The following SORCS1 variants were observed in gnomAD, a reference collection of about 807,000 sequenced individuals.
SORCS1 encodes sortilin related VPS10 domain containing receptor 1, also known as VPS10 domain-containing receptor SorCS1.
A neutral mutation model predicts 146.1 loss-of-function variants in SORCS1; 60 were observed. The ratio of observed to expected loss-of-function variants is 0.41; its 90% CI spans 0.33 to 0.51. The LOEUF is 0.51. SORCS1 is among the 20% of genes least tolerant of loss of function. SORCS1 has a pLI of 0.21. For synonymous variants in SORCS1, 637 were observed against 584.0 expected (o/e 1.09, Z -1.31); for missense variants, 1,352 against 1,487.6 (o/e 0.91, Z 1.50).
At chr10:106,594,698 C>A (rs1378722944) in intron 24 of SORCS1, among the ~76,000 whole-genome samples, 2 of 152,140 alleles carry the variant, frequency 1.3e-5, no homozygotes, top group Non-Finnish European at 2.9e-5. Context: ...TTCGGATACA[C>A]CAAACCTAAA....
At chr10:106,700,822 C>A (rs1180081259) in intron 8 of SORCS1, among the ~76,000 whole-genome samples, 2 of 152,172 alleles carry the variant, frequency 1.3e-5, no homozygotes, top group Non-Finnish European at 2.9e-5. Flanking sequence ...TACTCAGGTT[C>A]CATATGACAT....
At chr10:106,801,075 G>A (rs186197757) in intron 3 of SORCS1, among the ~76,000 whole-genome samples, 2 of 152,140 alleles carry the variant, frequency 1.3e-5, no homozygotes, top group East Asian at 3.9e-4. Flanking sequence ...CCTCTACATA[G>A]TAAGTTGTTA....
chr10:106,784,070 T>A (rs1457760706), intron 3 of SORCS1, among the ~76,000 whole-genome samples: 1 of 152,200 alleles, frequency 6.6e-6, no homozygotes, highest in Non-Finnish European at 1.5e-5. Flanking sequence ...GAATATTCAC[T>A]AATGCTTAGC....
At chr10:106,686,224 T>A (rs1413077750) in intron 10 of SORCS1, among the ~76,000 whole-genome samples, 1 of 152,148 alleles carries the variant, frequency 6.6e-6, no homozygotes, top group Admixed American at 6.5e-5. Flanking sequence ...CTGGCTTGGA[T>A]TAGGGCAGTC....
At chr10:107,133,587 G>T (rs1278043267) in intron 1 of SORCS1, among the ~76,000 whole-genome samples, 1 of 152,184 alleles carries the variant, frequency 6.6e-6, no homozygotes, top group Non-Finnish European at 1.5e-5. Flanking sequence ...ATCAGGTACA[G>T]AAGATGTTTT....
rs747639595 is a variant in SORCS1, at chr10:106,651,001, C to T, written c.2475+1381G>A. On this transcript the variant is annotated intron_variant, in intron 18 of 25. Transcript: ENST00000263054. ...AGAGTTTATTTATGTGAAATATGAG[C>T]AACTCCAATTTGCCTAAATTGGCCT... 7.9e-4 allele frequency among the ~76,000 whole-genome samples: 120 copies of T among 152,244 alleles called. 2 individuals are homozygous for T. The highest frequency in any genetic ancestry group is 3.4e-3 in the Middle Eastern group (1 of 294).
chr10:107,093,347 C>T (rs1356007401), intron 1 of SORCS1, among the ~76,000 whole-genome samples: 2 of 152,220 alleles, frequency 1.3e-5, no homozygotes, highest in African/African-American at 4.8e-5. Context: ...CTCTCCCCTT[C>T]ACTCTATTCT....
Position 106,699,228 on chromosome 10 carries a change from T to C in SORCS1, c.1399A>G (p.Ile467Val), listed in dbSNP as rs571084203. ...TCGTGACATACCTCATAGAGGTCGA[T>C]CATGATGTTGCCCTCAGGGCCTCTG... ...SSRGPEGNIMIDLYEVAGIKG... is the reference protein window; with the variant it reads ...SSRGPEGNIMVDLYEVAGIKG... The change falls in exon 9 of 26, where the codon ATC becomes GTC. Residue 467 changes from isoleucine to valine, a missense_variant. By Grantham distance (29) the Ile-to-Val change is conservative. This residue lies in a region of SORCS1 where 648 missense variants were observed against 793.8 expected (regional missense o/e 0.82). Coordinates refer to ENST00000263054, the MANE Select transcript of SORCS1 (RefSeq NM_052918.5). 2 of 1,612,702 alleles carry C rather than the reference T, an allele frequency of 1.2e-6. No homozygotes were observed. The highest frequency in any genetic ancestry group is 3.3e-5 in the Admixed American group (2 of 59,908).
chr10:107,024,721 C>T (rs1028628434), intron 1 of SORCS1, among the ~76,000 whole-genome samples: 4 of 152,052 alleles, frequency 2.6e-5, no homozygotes, highest in Non-Finnish European at 5.9e-5. Context: ...GTACCTCTGC[C>T]CATTTTCTCC....
chr10:106,607,865 A>G lies in SORCS1; in HGVS notation c.3034-568T>C, dbSNP rs75613665. Among the ~76,000 whole-genome samples the G allele has an allele frequency of 1.2e-3, 180 of 152,232 alleles. 2 individuals carry two copies. The highest frequency in any genetic ancestry group is 4.0e-3 in the African/African-American group (167 of 41,542). ...TAACCTAAGAGGACATCCCCATATC[A>G]CAACCCTCAGGAGGCCCCTGTTGAC... On this transcript the variant is annotated intron_variant, in intron 22 of 25. Coordinates refer to ENST00000263054, the MANE Select transcript of SORCS1 (RefSeq NM_052918.5).
At chr10:106,605,569 C>T (rs1034345550) in intron 23 of SORCS1, among the ~76,000 whole-genome samples, 3 of 152,138 alleles carry the variant, frequency 2.0e-5, no homozygotes, top group Non-Finnish European at 4.4e-5. Context: ...GATCTGCTTT[C>T]CCTCTGGGTT....
intron 1 of SORCS1, among the ~76,000 whole-genome samples, chr10:106,975,584 G>A (rs934013688): frequency 6.6e-6 from 1 of 152,188 alleles, no homozygotes; most frequent in Non-Finnish European, 1.5e-5. Context: ...TGTAATTTCT[G>A]CCATGCAGTA....
At chr10:106,615,148 G>A (rs547778094) in intron 21 of SORCS1, among the ~76,000 whole-genome samples, 103 of 152,206 alleles carry the variant, frequency 6.8e-4, no homozygotes, top group African/African-American at 2.4e-3. Flanking sequence ...GAGTATTCTG[G>A]AAAACTTACA....
chr10:107,141,161 G>A (rs1967807540), intron 1 of SORCS1, among the ~76,000 whole-genome samples: 1 of 152,106 alleles, frequency 6.6e-6, no homozygotes, highest in Non-Finnish European at 1.5e-5. Context: ...TCAGACTGGT[G>A]GAAAAGCAAG....
At chr10:106,719,601 C>T (rs1449307117) in intron 6 of SORCS1, among the ~76,000 whole-genome samples, 1 of 151,904 alleles carries the variant, frequency 6.6e-6, no homozygotes, top group Admixed American at 6.6e-5. Context: ...TTAGTAGAGA[C>T]GGGGTTTCAC....
At chr10:106,780,788 C>T (rs1217811412) in intron 3 of SORCS1, among the ~76,000 whole-genome samples, 1 of 152,076 alleles carries the variant, frequency 6.6e-6, no homozygotes, top group Non-Finnish European at 1.5e-5. Flanking sequence ...CAGGGTGTGC[C>T]GACTGACTGC....
chr10:107,025,064 A>G (rs1417044106), intron 1 of SORCS1, among the ~76,000 whole-genome samples: 2 of 152,198 alleles, frequency 1.3e-5, no homozygotes, highest in African/African-American at 4.8e-5. Flanking sequence ...GTGTGTTACC[A>G]GTAATATTAA....
At chr10:107,131,378 A>C (rs1966867800) in intron 1 of SORCS1, among the ~76,000 whole-genome samples, 1 of 152,176 alleles carries the variant, frequency 6.6e-6, no homozygotes, top group Admixed American at 6.5e-5. Context: ...TGCTGTTCCC[A>C]CAGTCTAGCT....
At chr10:106,880,214 T>C (rs1037159359) in intron 2 of SORCS1, among the ~76,000 whole-genome samples, 2 of 152,314 alleles carry the variant, frequency 1.3e-5, no homozygotes, top group African/African-American at 4.8e-5. Flanking sequence ...ATTTGACTTG[T>C]TGAATAAGCA....
Sources: gnomAD v4.1 joint callset for allele counts (sites outside exome capture counted in the v4.1 genomes callset) on GRCh38, gnomAD v4.1.1 for gene constraint, gnomAD v4.1.1 regional missense constraint, MANE v1.5 for transcripts, NCBI Gene and HGNC (gene_info 2026-07-23, HGNC 2026-07-21) for gene names.